MTRF1: variants seen among roughly 807,000 people sequenced by gnomAD.
The protein encoded by MTRF1 is peptide chain release factor 1, mitochondrial.
MTRF1 carries 51 observed loss-of-function variants against 62.9 expected under a neutral mutation model. That is an observed-to-expected ratio of 0.81 (90% CI 0.65 to 1.02). The LOEUF is 1.02. Among genes scored for constraint, MTRF1 ranks in the 50% least tolerant of loss-of-function variants. MTRF1 has a pLI of 0.00. For missense variants in MTRF1, 446 were observed against 530.0 expected (o/e 0.84, Z 1.56); for synonymous variants, 158 against 181.9 (o/e 0.87, Z 1.06).
chr13:41,227,400 T>G (rs1251383846), intron 7 of MTRF1, among the ~76,000 whole-genome samples: 2 of 152,146 alleles, frequency 1.3e-5, no homozygotes, highest in Non-Finnish European at 2.9e-5. Flanking sequence ...TTTTCTGAGT[T>G]CTAAATTTCT....
At position 41,217,190 on chromosome 13, in the gene MTRF1, A is replaced by C. The variant is rs1478171884; in HGVS notation, c.1263T>G (p.Ile421Met). 6.2e-7 allele frequency: 1 copy of C among 1,609,832 alleles called. No individual in the cohort carries two copies. Among genetic ancestry groups the C allele is most frequent in the Non-Finnish European group, 8.5e-7 (1 of 1,177,522 alleles). Residue 421 changes from isoleucine (I) to methionine (M), a missense_variant, in exon 10 of 10, where the codon ATT becomes ATG. Transcript: ENST00000379480. ...LCGGKGLDQL[I>M]QRLLQSADEE... ...CATCTGCTGATTGAAGCAGTCTCTG[A>C]ATTAGCTGATCCAGGCCCTTCCCAC... is the stretch of plus-strand genomic sequence containing the variant.
At chr13:41,278,594 C>G in the MTRF1 span, among the ~76,000 whole-genome samples, 2 of 152,188 alleles carry the variant, frequency 1.3e-5, no homozygotes, top group East Asian at 3.8e-4. Flanking sequence ...ATTCCTTCTT[C>G]TCTCCACTAA....
chr13:41,280,921 A>G, the MTRF1 span, among the ~76,000 whole-genome samples: 30 of 152,318 alleles, frequency 2.0e-4, no homozygotes, highest in African/African-American at 7.2e-4. Context: ...TTGTATTTGC[A>G]TCCCTGATCC....
chr13:41,222,977 C>A (rs1273637333), intron 9 of MTRF1, among the ~76,000 whole-genome samples: 3 of 152,104 alleles, frequency 2.0e-5, no homozygotes, highest in Non-Finnish European at 2.9e-5. Context: ...AAACCAATAC[C>A]CATGTATATA....
the MTRF1 span, among the ~76,000 whole-genome samples, chr13:41,285,838 C>A: frequency 1.3e-5 from 2 of 152,032 alleles, no homozygotes; most frequent in East Asian, 3.9e-4. Context: ...CCCAACCCTG[C>A]AGATTGCCTG....
upstream of MTRF1, among the ~76,000 whole-genome samples, chr13:41,268,456 G>T (rs538718941): frequency 3.7e-4 from 57 of 152,114 alleles, no homozygotes; most frequent in South Asian, 4.2e-3. Flanking sequence ...TGAGGAAGGA[G>T]AATTACTTGA....
intron 2 of MTRF1, among the ~76,000 whole-genome samples, chr13:41,259,728 A>AAAACAAAAAAAAAC (rs2040213302): frequency 2.0e-5 from 3 of 151,170 alleles, no homozygotes; most frequent in African/African-American, 7.3e-5. Context: ...AAAACATAAA[A>AAAACAAAAAAAAAC]ATAAAAAATA....
intron 5 of MTRF1, among the ~76,000 whole-genome samples, chr13:41,249,409 C>T (rs1319584121): frequency 3.3e-5 from 5 of 151,524 alleles, no homozygotes; most frequent in African/African-American, 9.7e-5. Context: ...GGCGTAGTGG[C>T]GGGTGCCTGT....
the MTRF1 span, among the ~76,000 whole-genome samples, chr13:41,309,341 A>AGCGTGTGTGT: frequency 7.4e-6 from 1 of 135,662 alleles, no homozygotes; most frequent in East Asian, 2.2e-4. Flanking sequence ...ATGCCCAGCT[A>AGCGTGTGTGT]GTGTGTGTGT....
intron 4 of MTRF1, 50 bp from the exon 5 acceptor site, chr13:41,252,802 A>C: frequency 1.3e-6 from 2 of 1,497,110 alleles, no homozygotes; most frequent in Non-Finnish European, 1.9e-6. Context: ...TCGGAAAGCC[A>C]CCCTTAAGAC....
At chr13:41,259,375 A>G (rs2040123173) in intron 2 of MTRF1, among the ~76,000 whole-genome samples, 1 of 152,248 alleles carries the variant, frequency 6.6e-6, no homozygotes, top group Non-Finnish European at 1.5e-5. Context: ...TGGTATATCC[A>G]TACAATGGAA....
At chr13:41,262,433 CT>C (rs1269004637) in intron 1 of MTRF1, 1 of 151,018 alleles carries the variant, frequency 6.6e-6, no homozygotes, top group African/African-American at 2.4e-5. Flanking sequence ...ATTTTTTCTA[CT>C]TTTCAGTGTT....
the MTRF1 span, among the ~76,000 whole-genome samples, chr13:41,280,426 C>T: frequency 6.6e-6 from 1 of 152,186 alleles, no homozygotes; most frequent in Admixed American, 6.5e-5. Flanking sequence ...CTCATGCCTC[C>T]CTAAAAATAT....
intron 2 of MTRF1, among the ~76,000 whole-genome samples, chr13:41,255,403 A>G (rs1161253255): frequency 1.3e-5 from 2 of 152,080 alleles, no homozygotes; most frequent in Non-Finnish European, 2.9e-5. Flanking sequence ...TTTAAAATAC[A>G]TATCATGGCC....
chr13:41,311,501 C>T, the MTRF1 span: 2 of 1,580,662 alleles, frequency 1.3e-6, no homozygotes, highest in Admixed American at 1.8e-5. Flanking sequence ...GCCTCCCTGC[C>T]GGCCACCTAG....
the MTRF1 span, among the ~76,000 whole-genome samples, chr13:41,297,321 C>A: frequency 6.6e-6 from 1 of 152,200 alleles, no homozygotes; most frequent in South Asian, 2.1e-4. Flanking sequence ...ATTAGCCCAC[C>A]ATAGTTCTAT....
the MTRF1 span, among the ~76,000 whole-genome samples, chr13:41,296,097 CCATG>C: frequency 6.6e-6 from 1 of 152,098 alleles, no homozygotes; most frequent in Non-Finnish European, 1.5e-5. Flanking sequence ...TAGTGTGTCA[CCATG>C]CCCAGTTAAT....
the MTRF1 span, among the ~76,000 whole-genome samples, chr13:41,284,543 CAAAA>C: frequency 4.2e-5 from 3 of 70,638 alleles, no homozygotes; most frequent in Non-Finnish European, 2.9e-5. Context: ...GACCGTGTCT[CAAAA>C]AAAAAAAAAA....
At chr13:41,284,124 T>C in the MTRF1 span, among the ~76,000 whole-genome samples, 2 of 148,104 alleles carry the variant, frequency 1.4e-5, no homozygotes, top group Non-Finnish European at 3.0e-5. Flanking sequence ...ATTAGAACTT[T>C]ACAGCCCATG....
Sources: gnomAD v4.1 joint callset for allele counts (sites outside exome capture counted in the v4.1 genomes callset) on GRCh38, gnomAD v4.1.1 for gene constraint, MANE v1.5 for transcripts, NCBI Gene and HGNC (gene_info 2026-07-23, HGNC 2026-07-21) for gene names.